The following GOLIM4 variants were observed in gnomAD, a reference collection of about 807,000 sequenced individuals.
The protein encoded by GOLIM4 is golgi integral membrane protein 4.
In GOLIM4, 71 loss-of-function variants were observed where a neutral mutation model predicts 107.4. The observed-to-expected ratio is 0.66, with a 90% CI of 0.55 to 0.81. GOLIM4 has a LOEUF of 0.81. GOLIM4 is among the 30% of genes least tolerant of loss of function. GOLIM4 has a pLI of 0.00. For synonymous variants in GOLIM4, 327 were observed against 294.8 expected (o/e 1.11, Z -1.12); for missense variants, 830 against 826.1 (o/e 1.00, Z -0.06).
chr3:168,029,811 C>T lies in GOLIM4; in HGVS notation c.1402G>A (p.Glu468Lys), dbSNP rs1718207346. ...TGCTCCTGGTGCTGCGGCCGGCCCTCCTCAAGCTCAGCCTGCCTCTGCAGG... is the reference window on the plus strand; with the variant it reads ...TGCTCCTGGTGCTGCGGCCGGCCCTTCTCAAGCTCAGCCTGCCTCTGCAGG... Reference protein sequence around the residue: ...MALQRQAELEEGRPQHQEQLR... With the variant: ...MALQRQAELEKGRPQHQEQLR... Residue 468 changes from glutamate to lysine, a missense_variant, in exon 10 of 16, where the codon GAG becomes AAG. Coordinates refer to ENST00000470487, the MANE Select transcript of GOLIM4 (RefSeq NM_014498.5). The T allele has an allele frequency of 3.1e-6, 5 of 1,614,034 alleles. No individual in the cohort carries two copies. Among genetic ancestry groups the T allele is most frequent in the Non-Finnish European group, 4.2e-6 (5 of 1,180,022 alleles).
intron 1 of GOLIM4, among the ~76,000 whole-genome samples, chr3:168,074,612 A>C (rs1236436956): frequency 6.6e-6 from 1 of 152,200 alleles, no homozygotes; most frequent in East Asian, 1.9e-4. Flanking sequence ...ACATTACTTA[A>C]TTTATATGTT....
intron 1 of GOLIM4, among the ~76,000 whole-genome samples, chr3:168,075,356 G>A (rs910005334): frequency 7.0e-6 from 1 of 142,076 alleles, no homozygotes; most frequent in African/African-American, 2.7e-5. Flanking sequence ...GAGTGCAGTG[G>A]CGGGATCTCG....
chr3:168,049,580 G>A (rs1033209370), intron 1 of GOLIM4, among the ~76,000 whole-genome samples: 17 of 152,112 alleles, frequency 1.1e-4, no homozygotes, highest in African/African-American at 4.1e-4. Context: ...TCTTTGGCCA[G>A]TCACAAGCTC....
Position 168,036,957 on chromosome 3 carries a change from A to C in GOLIM4, c.722T>G (p.Leu241Arg). 1 of 1,582,376 alleles carries C rather than the reference A, an allele frequency of 6.3e-7. No homozygotes were observed. Among genetic ancestry groups the C allele is most frequent in the Non-Finnish European group, 8.6e-7 (1 of 1,162,422 alleles). The change falls in exon 8 of 16, where the codon CTG (leucine) becomes CGG (arginine). Residue 241 changes from leucine to arginine, a missense_variant. Leu to Arg is a moderately radical substitution (Grantham distance 102, BLOSUM62 -2). Transcript: ENST00000470487. Reference sequence around the variant, plus strand: ...TTTTCGAAGGCTTGGAATCCTATTCAGAGTATCTTTCAGTTGTTTATATTC... The same window carrying C: ...TTTTCGAAGGCTTGGAATCCTATTCCGAGTATCTTTCAGTTGTTTATATTC... ...VAEYKQLKDT[L>R]NRIPSLRKPD... is the part of the protein sequence containing the mutation.
At chr3:168,086,166 T>G (rs994735055) in intron 1 of GOLIM4, among the ~76,000 whole-genome samples, 5 of 152,092 alleles carry the variant, frequency 3.3e-5, no homozygotes, top group African/African-American at 4.8e-5. Context: ...TAAAACATTT[T>G]CTGTCTGTTA....
At chr3:168,017,072 C>A (rs1429251522) in intron 14 of GOLIM4, among the ~76,000 whole-genome samples, 1 of 152,062 alleles carries the variant, frequency 6.6e-6, no homozygotes, top group Non-Finnish European at 1.5e-5. Context: ...GTATAATACA[C>A]CTATTACAAA....
intron 1 of GOLIM4, among the ~76,000 whole-genome samples, chr3:168,082,552 G>T (rs118014138): frequency 6.6e-6 from 1 of 152,074 alleles, no homozygotes; most frequent in Admixed American, 6.6e-5. Context: ...GACCCTGCTC[G>T]AACTCAGTGC....
intron 14 of GOLIM4, 39 bp downstream of exon 14, chr3:168,024,487 G>A: frequency 7.4e-7 from 1 of 1,360,120 alleles, no homozygotes; most frequent in Non-Finnish European, 1.1e-6. Context: ...GTGTGTGACA[G>A]ACCAATCTGA....
chr3:168,060,713 G>A (rs1720221692), intron 1 of GOLIM4, among the ~76,000 whole-genome samples: 1 of 152,170 alleles, frequency 6.6e-6, no homozygotes, highest in African/African-American at 2.4e-5. Context: ...CTTGTTACTA[G>A]CACAGATTCC....
chr3:168,056,254 G>A (rs1719964710), intron 1 of GOLIM4, among the ~76,000 whole-genome samples: 1 of 152,240 alleles, frequency 6.6e-6, no homozygotes, highest in African/African-American at 2.4e-5. Context: ...TGCTGAGCCT[G>A]TGGGTGCACA....
intron 14 of GOLIM4, among the ~76,000 whole-genome samples, chr3:168,016,653 C>G (rs1240975349): frequency 1.5e-5 from 2 of 133,558 alleles, no homozygotes; most frequent in Non-Finnish European, 3.0e-5. Flanking sequence ...AAATGTCCAA[C>G]AATGATAGAC....
chr3:168,062,384 A>G (rs1212747811), intron 1 of GOLIM4, among the ~76,000 whole-genome samples: 1 of 148,238 alleles, frequency 6.7e-6, no homozygotes, highest in African/African-American at 2.5e-5. Flanking sequence ...TATATCCCTA[A>G]TTTGAATGTA....
At chr3:168,056,853 CTCAGA>C in intron 1 of GOLIM4, among the ~76,000 whole-genome samples, 1 of 152,320 alleles carries the variant, frequency 6.6e-6, no homozygotes, top group African/African-American at 2.4e-5. Context: ...CTTGCCTTGT[CTCAGA>C]TAAGACTTTG....
chr3:168,079,332 T>C (rs1560107478), intron 1 of GOLIM4, among the ~76,000 whole-genome samples: 2 of 152,212 alleles, frequency 1.3e-5, no homozygotes, highest in Admixed American at 6.5e-5. Flanking sequence ...AGAGCATATA[T>C]TGTTTGATTT....
At chr3:168,034,677 C>T (rs931793150) in intron 8 of GOLIM4, among the ~76,000 whole-genome samples, 1 of 152,186 alleles carries the variant, frequency 6.6e-6, no homozygotes, top group Non-Finnish European at 1.5e-5. Flanking sequence ...GCTGTGTCCC[C>T]ACCAAAATCT....
chr3:168,011,975 A>G (rs1409014526), intron 14 of GOLIM4, among the ~76,000 whole-genome samples: 1 of 148,720 alleles, frequency 6.7e-6, no homozygotes. Context: ...GAAACTAAAA[A>G]GCAAAGCGCC....
rs1716836450 is a variant in GOLIM4 at position 168,009,099 on chromosome 3, G to A, written c.*1170C>T. ...TATATATTTAAAAATCTTTATGCTT[G>A]CAACTGAAATGTCTCTACTCCAAGG... is the stretch of plus-strand genomic sequence containing the variant. On this transcript the variant is annotated 3_prime_UTR_variant, in exon 16 of 16. Transcript: ENST00000470487. 1 of 151,812 alleles carries A rather than the reference G, an allele frequency of 6.6e-6. No individual in the cohort carries two copies. The highest frequency in any genetic ancestry group is 2.4e-5 in the African/African-American group (1 of 41,340). The allele number at this position is 151,812 out of a possible 1,614,324, so 9.4% of individuals were successfully genotyped here.
At chr3:168,075,044 T>A (rs1721002409) in intron 1 of GOLIM4, among the ~76,000 whole-genome samples, 1 of 152,096 alleles carries the variant, frequency 6.6e-6, no homozygotes, top group Admixed American at 6.5e-5. Flanking sequence ...ATGAAAGAAT[T>A]AAGTAGTCAG....
chr3:168,019,258 T>G (rs998265272), intron 14 of GOLIM4, among the ~76,000 whole-genome samples: 3 of 152,232 alleles, frequency 2.0e-5, no homozygotes, highest in Non-Finnish European at 4.4e-5. Flanking sequence ...CCACCTCCAA[T>G]GTTCAAAAGC....
Sources: gnomAD v4.1 joint callset for allele counts (sites outside exome capture counted in the v4.1 genomes callset) on GRCh38, gnomAD v4.1.1 for gene constraint, MANE v1.5 for transcripts, NCBI Gene and HGNC (gene_info 2026-07-23, HGNC 2026-07-21) for gene names.